The following CHN2 variants were observed in gnomAD, a reference collection of about 807,000 sequenced individuals.
CHN2 encodes the protein chimerin 2, also known as beta-chimaerin.
A neutral mutation model predicts 56.3 loss-of-function variants in CHN2; 35 were observed. The ratio of observed to expected loss-of-function variants is 0.62; its 90% CI spans 0.47 to 0.82. CHN2 has a LOEUF of 0.82. Among genes scored for constraint, CHN2 ranks in the 40% least tolerant of loss-of-function variants. CHN2 has a pLI of 0.00. For missense variants in CHN2, 491 were observed against 580.5 expected (o/e 0.85, Z 1.58); for synonymous variants, 210 against 212.8 (o/e 0.99, Z 0.12).
intron 2 of CHN2, among the ~76,000 whole-genome samples, chr7:29,360,259 C>T (rs1356700946): frequency 6.6e-6 from 1 of 152,194 alleles, no homozygotes; most frequent in African/African-American, 2.4e-5. Flanking sequence ...CAGTGGCTCA[C>T]GCCTGTAATC....
At chr7:29,289,620 C>T (rs756409440) in intron 1 of CHN2, among the ~76,000 whole-genome samples, 2 of 152,136 alleles carry the variant, frequency 1.3e-5, no homozygotes, top group South Asian at 2.1e-4. Flanking sequence ...CAAGCATTAT[C>T]CTGCGGGGTG....
chr7:29,402,194 C>T (rs1163914668), intron 6 of CHN2, among the ~76,000 whole-genome samples: 2 of 152,064 alleles, frequency 1.3e-5, no homozygotes, highest in African/African-American at 4.8e-5. Flanking sequence ...CGGGGTGGCA[C>T]CGTGGTCCCG....
intron 2 of CHN2, among the ~76,000 whole-genome samples, chr7:29,174,004 A>G (rs906502059): frequency 1.3e-5 from 2 of 152,098 alleles, no homozygotes; most frequent in Non-Finnish European, 2.9e-5. Context: ...TCTCATATTA[A>G]TTTAGAATAA....
chr7:29,419,492 C>A (rs1804113511), intron 6 of CHN2, among the ~76,000 whole-genome samples: 1 of 151,898 alleles, frequency 6.6e-6, no homozygotes, highest in Non-Finnish European at 1.5e-5. Context: ...AGGATAATAT[C>A]AAACTTAAAA....
intron 6 of CHN2, among the ~76,000 whole-genome samples, chr7:29,404,797 T>C (rs1802497323): frequency 6.6e-6 from 1 of 152,124 alleles, no homozygotes; most frequent in African/African-American, 2.4e-5. Context: ...ACTCGTGGGC[T>C]CAAGCGATCC....
intron 1 of CHN2, among the ~76,000 whole-genome samples, chr7:29,211,762 A>T (rs1370240695): frequency 1.3e-5 from 2 of 152,178 alleles, no homozygotes; most frequent in African/African-American, 2.4e-5. Context: ...CTATTTAATC[A>T]TAATGTTCAA....
intron 6 of CHN2, among the ~76,000 whole-genome samples, chr7:29,451,221 T>C (rs1353032793): frequency 6.6e-6 from 1 of 152,220 alleles, no homozygotes; most frequent in Non-Finnish European, 1.5e-5. Context: ...GATTTTTGTC[T>C]ATTATGATGC....
chr7:29,380,370 T>C (rs1486867766), intron 3 of CHN2, among the ~76,000 whole-genome samples: 2 of 152,214 alleles, frequency 1.3e-5, no homozygotes, highest in African/African-American at 2.4e-5. Flanking sequence ...ATATGTAATA[T>C]TAAAATTCCT....
intron 1 of CHN2, among the ~76,000 whole-genome samples, chr7:29,258,413 A>G (rs1302963351): frequency 6.6e-6 from 1 of 152,186 alleles, no homozygotes; most frequent in Non-Finnish European, 1.5e-5. Flanking sequence ...CAATTTGCTC[A>G]TCCTTCTTGG....
At chr7:29,270,162 T>C (rs917549999) in intron 1 of CHN2, among the ~76,000 whole-genome samples, 14 of 152,294 alleles carry the variant, frequency 9.2e-5, no homozygotes, top group African/African-American at 3.4e-4. Flanking sequence ...TGCCAGGCAT[T>C]GAGCTAAATG....
intron 7 of CHN2, among the ~76,000 whole-genome samples, chr7:29,483,475 G>T (rs1018048318): frequency 5.9e-5 from 9 of 152,198 alleles, no homozygotes; most frequent in Non-Finnish European, 1.3e-4. Flanking sequence ...AACACTGTGT[G>T]CTGATGCAAT....
At position 29,251,755 on chromosome 7, in the gene CHN2, G is replaced by GT. The variant is rs534747907; in HGVS notation, c.49+56766dup. Among the ~76,000 whole-genome samples, 55 of 152,322 alleles carry GT rather than the reference G, an allele frequency of 3.6e-4. No individual in the cohort carries two copies. In the East Asian group the frequency reaches 9.8e-3, roughly 27 times the overall value. ...AGAAATATGTCAGTACATGAAAACT[G>GT]TGAGTGTTTACTTTCAACTGTGAAA... is the stretch of plus-strand genomic sequence containing the variant. On this transcript the variant is annotated intron_variant, in intron 1 of 12. Coordinates refer to ENST00000222792, the MANE Select transcript of CHN2 (RefSeq NM_004067.4).
At chr7:29,239,768 T>C (rs1489161332) in intron 1 of CHN2, among the ~76,000 whole-genome samples, 1 of 151,980 alleles carries the variant, frequency 6.6e-6, no homozygotes, top group African/African-American at 2.4e-5. Context: ...CTCTGCATAG[T>C]GCTCAGAGAG....
chr7:29,431,426 C>T (rs1311085194), intron 6 of CHN2, among the ~76,000 whole-genome samples: 1 of 152,172 alleles, frequency 6.6e-6, no homozygotes, highest in Admixed American at 6.5e-5. Flanking sequence ...CCTCATATTT[C>T]ACCCTTGTTC....
chr7:29,254,755 T>C (rs57236664), intron 1 of CHN2, among the ~76,000 whole-genome samples: 1,978 of 152,288 alleles, frequency 0.013, 41 homozygotes, highest in African/African-American at 0.045. Flanking sequence ...AGCCACTGCT[T>C]GGCACCGTCT....
intron 1 of CHN2, among the ~76,000 whole-genome samples, chr7:29,244,860 G>A (rs139735533): frequency 6.6e-6 from 1 of 152,300 alleles, no homozygotes; most frequent in East Asian, 1.9e-4. Context: ...CAAACTCTGT[G>A]ATCCCAGGCC....
At chr7:29,417,093 G>A (rs899456905) in intron 6 of CHN2, among the ~76,000 whole-genome samples, 5 of 152,258 alleles carry the variant, frequency 3.3e-5, no homozygotes, top group South Asian at 2.1e-4. Flanking sequence ...TCTGCAGCGC[G>A]TCCTCTCCTT....
chr7:29,417,333 CT>C (rs5883209), intron 6 of CHN2, among the ~76,000 whole-genome samples: 70,641 of 121,062 alleles, frequency 0.58, 20,724 homozygotes, highest in East Asian at 0.71. Context: ...TACTGTAACC[CT>C]TTTTTTTTTT....
At chr7:29,404,275 T>C (rs1802456856) in intron 6 of CHN2, among the ~76,000 whole-genome samples, 2 of 152,192 alleles carry the variant, frequency 1.3e-5, no homozygotes, top group African/African-American at 4.8e-5. Context: ...ATAACTAGTA[T>C]TTTCTTAAAA....
Sources: allele counts gnomAD v4.1 joint callset (sites outside exome capture counted in the v4.1 genomes callset), GRCh38; gene constraint gnomAD v4.1.1; transcripts MANE v1.5; gene names NCBI Gene and HGNC (gene_info 2026-07-23, HGNC 2026-07-21).